Variants in DGKB observed in about 807,000 individuals in gnomAD.
DGKB encodes the protein 90 kDa diacylglycerol kinase.
In DGKB, 67 loss-of-function variants were observed where a neutral mutation model predicts 114.3. That is an observed-to-expected ratio of 0.59 (90% confidence interval 0.48 to 0.72). The LOEUF is 0.72. Ranked by LOEUF, DGKB falls within the 30% of genes least tolerant of loss-of-function variation. The pLI, the probability that DGKB is intolerant of heterozygous loss-of-function variation, is 0.00. For synonymous variants in DGKB, 398 were observed against 323.1 expected (o/e 1.23, Z -2.49); for missense variants, 907 against 975.2 (o/e 0.93, Z 0.93).
intron 19 of DGKB, among the ~76,000 whole-genome samples, chr7:14,574,931 G>A (rs1334284932): frequency 6.6e-6 from 1 of 151,912 alleles, no homozygotes; most frequent in Non-Finnish European, 1.5e-5. Context: ...CTTTTTGGCT[G>A]GTTTGCATCT....
At chr7:14,154,509 G>A (rs1056894777) in intron 25 of DGKB, among the ~76,000 whole-genome samples, 1 of 151,668 alleles carries the variant, frequency 6.6e-6, no homozygotes. Context: ...TTTCTTGTAA[G>A]GACTAAATGA....
At chr7:14,438,604 C>T (rs1381502042) in intron 21 of DGKB, among the ~76,000 whole-genome samples, 1 of 151,902 alleles carries the variant, frequency 6.6e-6, no homozygotes, top group Admixed American at 6.6e-5. Context: ...GAGGTTGGAG[C>T]GTGGGTGAGA....
At chr7:14,813,123 G>A (rs56244534) in intron 2 of DGKB, among the ~76,000 whole-genome samples, 8,923 of 152,236 alleles carry the variant, frequency 0.059, 341 homozygotes, top group South Asian at 0.091. Flanking sequence ...TCAAAGATGT[G>A]TGAGAGGAAT....
chr7:14,879,005 T>C (rs1179500646), intron 1 of DGKB, among the ~76,000 whole-genome samples: 2 of 151,896 alleles, frequency 1.3e-5, no homozygotes, highest in Non-Finnish European at 2.9e-5. Flanking sequence ...TAAATTGTTA[T>C]ATTTTGGTGC....
intron 23 of DGKB, among the ~76,000 whole-genome samples, chr7:14,210,278 G>A (rs1787543970): frequency 6.6e-6 from 1 of 152,036 alleles, no homozygotes; most frequent in Non-Finnish European, 1.5e-5. Context: ...CCGTTACTGG[G>A]GGCAAATGCC....
At chr7:14,328,773 G>A (rs953772788) in intron 23 of DGKB, among the ~76,000 whole-genome samples, 5 of 151,950 alleles carry the variant, frequency 3.3e-5, no homozygotes, top group Non-Finnish European at 5.9e-5. Context: ...AATTAGTCAT[G>A]TTTATCCATG....
rs386409562 is a variant in DGKB, at chr7:14,520,210, AT to A, written c.1771-41986del. 6.2e-3 allele frequency among the ~76,000 whole-genome samples: 742 copies of A among 119,088 alleles called. 4 individuals are homozygous for A. Among genetic ancestry groups the A allele is most frequent in the African/African-American group, 0.017 (547 of 32,058 alleles). 78.1% of individuals were successfully genotyped at this position (119,088 alleles called of 152,430 possible). ...ATTATTGACTTTTATCTTTTTTCCT[AT>A]TTTTTTTTTTTTTTTGCAGGAGGCA... On this transcript the variant is annotated intron_variant, in intron 20 of 25. Transcript: ENST00000402815.
chr7:14,916,195 G>T (rs187359745), intron 1 of DGKB, among the ~76,000 whole-genome samples: 150 of 151,688 alleles, frequency 9.9e-4, no homozygotes, highest in Non-Finnish European at 9.1e-4. Flanking sequence ...CATTTTTGAA[G>T]AAGTATAATA....
Position 14,825,906 on chromosome 7 carries a change from A to C in DGKB, c.70+15288T>G, listed in dbSNP as rs575512497. ...AAACTATTAGGAGGAGGATTGAAGG[A>C]ACACAAACACGGAGGTCCCTTGGGC... On this transcript the variant is annotated intron_variant, in intron 2 of 25. Transcript: ENST00000402815. Among the ~76,000 whole-genome samples the C allele has an allele frequency of 4.6e-5, 7 of 152,284 alleles. 1 individual carries two copies. The South Asian group carries it at 1.5e-3, about 32-fold the overall frequency.
intron 21 of DGKB, among the ~76,000 whole-genome samples, chr7:14,349,463 G>A (rs1263790894): frequency 1.3e-5 from 2 of 152,052 alleles, no homozygotes; most frequent in East Asian, 1.9e-4. Flanking sequence ...TCCTCACAGC[G>A]TAATTAGCAT....
At chr7:14,450,606 A>C (rs923341021) in intron 21 of DGKB, among the ~76,000 whole-genome samples, 2 of 152,080 alleles carry the variant, frequency 1.3e-5, no homozygotes. Flanking sequence ...AGTAGAAAAA[A>C]AATTCCTAAG....
intron 21 of DGKB, among the ~76,000 whole-genome samples, chr7:14,431,052 C>T (rs1828378709): frequency 6.6e-6 from 1 of 152,082 alleles, no homozygotes; most frequent in Non-Finnish European, 1.5e-5. Flanking sequence ...ATGTGACTTT[C>T]CTGGCTATAG....
At chr7:14,734,049 T>G (rs1413990119) in intron 5 of DGKB, among the ~76,000 whole-genome samples, 12 of 139,674 alleles carry the variant, frequency 8.6e-5, no homozygotes, top group East Asian at 7.8e-4. Flanking sequence ...GTGTGTGTGG[T>G]GTGTGAAATG....
intron 21 of DGKB, among the ~76,000 whole-genome samples, chr7:14,345,973 T>C (rs1408245737): frequency 6.6e-6 from 1 of 151,424 alleles, no homozygotes; most frequent in African/African-American, 2.4e-5. Flanking sequence ...AAAGGTCAAA[T>C]AGATTTTTAT....
intron 23 of DGKB, among the ~76,000 whole-genome samples, chr7:14,268,606 A>G (rs1667493813): frequency 3.9e-5 from 6 of 152,186 alleles, no homozygotes; most frequent in Non-Finnish European, 2.9e-5. Flanking sequence ...AATGAATAAA[A>G]GAAATATGTT....
chr7:14,861,085 A>G (rs1416538523), intron 1 of DGKB, among the ~76,000 whole-genome samples: 1 of 151,994 alleles, frequency 6.6e-6, no homozygotes, highest in African/African-American at 2.4e-5. Flanking sequence ...ATTTTCACAC[A>G]ATCTCTTTGT....
At chr7:14,432,917 G>C (rs1422657029) in intron 21 of DGKB, among the ~76,000 whole-genome samples, 1 of 152,138 alleles carries the variant, frequency 6.6e-6, no homozygotes, top group African/African-American at 2.4e-5. Context: ...AAATATGAAG[G>C]CCTAGAAACC....
At chr7:14,396,230 TGAA>T (rs1314284399) in intron 21 of DGKB, among the ~76,000 whole-genome samples, 1 of 152,116 alleles carries the variant, frequency 6.6e-6, no homozygotes, top group East Asian at 1.9e-4. Flanking sequence ...TAAATTTTAC[TGAA>T]GATTTGTTTA....
intron 23 of DGKB, among the ~76,000 whole-genome samples, chr7:14,240,324 A>AT (rs1349820851): frequency 6.6e-6 from 1 of 152,116 alleles, no homozygotes; most frequent in Non-Finnish European, 1.5e-5. Flanking sequence ...AAGTCATAGA[A>AT]TTTTAAAAAG....
Sources: allele counts gnomAD v4.1 joint callset (sites outside exome capture counted in the v4.1 genomes callset), GRCh38; gene constraint gnomAD v4.1.1; transcripts MANE v1.5; gene names NCBI Gene and HGNC (gene_info 2026-07-23, HGNC 2026-07-21).